Variants in SPIN1 observed in about 807,000 individuals in gnomAD.
SPIN1 encodes spindlin-1.
In SPIN1, 3 loss-of-function variants were observed where a neutral mutation model predicts 26.0. The observed-to-expected ratio is 0.12, with a 90% CI of 0.05 to 0.30. The LOEUF (loss-of-function observed/expected upper bound fraction) is 0.30. Ranked by LOEUF, SPIN1 falls within the 10% of genes least tolerant of loss-of-function variation. SPIN1 has a pLI of 1.00. For synonymous variants in SPIN1, 101 were observed against 116.5 expected, an observed-to-expected ratio of 0.87 and a Z score of 0.86; for missense variants, 126 against 333.4, an observed-to-expected ratio of 0.38 and a Z score of 4.84.
At chr9:88,410,783 CA>C in intron 1 of SPIN1, 2 of 1,096,034 alleles carry the variant, frequency 1.8e-6, no homozygotes, top group South Asian at 1.2e-5. Context: ...CCACTGCCAC[CA>C]AAGCCACCAT....
At chr9:88,438,022 G>A (rs752536278) in intron 2 of SPIN1, among the ~76,000 whole-genome samples, 1 of 151,830 alleles carries the variant, frequency 6.6e-6, no homozygotes, top group Admixed American at 6.6e-5. Context: ...GTGGTGATGC[G>A]CGCCTGTAAT....
intron 3 of SPIN1, among the ~76,000 whole-genome samples, chr9:88,460,003 G>C (rs2118179257): frequency 6.6e-6 from 1 of 152,270 alleles, no homozygotes; most frequent in African/African-American, 2.4e-5. Flanking sequence ...TTGTGTAAAT[G>C]CCCAAAGGGT....
chr9:88,439,639 T>C (rs1321144182), intron 2 of SPIN1, among the ~76,000 whole-genome samples: 1 of 152,230 alleles, frequency 6.6e-6, no homozygotes, highest in Non-Finnish European at 1.5e-5. Flanking sequence ...CAGCTTTTTT[T>C]CCTCACATAT....
At position 88,412,955 on chromosome 9, in the gene SPIN1, TACAGGCGTGAGCC is replaced by T. The variant is rs1171614080; in HGVS notation, c.-158-13424_-158-13412del. Among the ~76,000 whole-genome samples the T allele has an allele frequency of 5.9e-5, 9 of 151,892 alleles. No individual in the cohort carries two copies. The East Asian group carries it at 1.8e-3, about 30-fold the overall frequency. On this transcript the variant is annotated intron_variant, in intron 1 of 5. Coordinates refer to ENST00000375859, the MANE Select transcript of SPIN1 (RefSeq NM_006717.3). Reference sequence around the variant, plus strand: ...CCTTGGCCTCCCAAAGTGCTGGGATTACAGGCGTGAGCCACCGCGCCTGGCCTCTTTGTCAGTA... The same window carrying T: ...CCTTGGCCTCCCAAAGTGCTGGGATTACCGCGCCTGGCCTCTTTGTCAGTA...
chr9:88,416,211 A>G lies in SPIN1; in HGVS notation c.-158-10171A>G, dbSNP rs146063242. 6.1e-3 allele frequency among the ~76,000 whole-genome samples: 932 copies of G among 152,308 alleles called. 7 individuals are homozygous for G. The highest frequency in any genetic ancestry group is 8.1e-3 in the Non-Finnish European group (552 of 68,030). On this transcript the variant is annotated intron_variant, in intron 1 of 5. Coordinates refer to ENST00000375859, the MANE Select transcript of SPIN1 (RefSeq NM_006717.3). ...ATAGAAAAGTTGAAACAGGCAGTTA[A>G]TATCTGTCCTCAACATCTACATTCA...
chr9:88,447,782 AC>A (rs1828280377), intron 2 of SPIN1, among the ~76,000 whole-genome samples: 1 of 152,162 alleles, frequency 6.6e-6, no homozygotes, highest in African/African-American at 2.4e-5. Context: ...CTGAGTCACA[AC>A]ATGGTAAAAG....
chr9:88,417,503 C>T (rs1425796895), intron 1 of SPIN1, among the ~76,000 whole-genome samples: 1 of 152,116 alleles, frequency 6.6e-6, no homozygotes, highest in Admixed American at 6.6e-5. Context: ...ATGGAGTTCT[C>T]ACTCTGCCAC....
At chr9:88,401,265 A>C (rs1466872455) in intron 1 of SPIN1, among the ~76,000 whole-genome samples, 2 of 152,210 alleles carry the variant, frequency 1.3e-5, no homozygotes, top group Non-Finnish European at 2.9e-5. Flanking sequence ...GAAAAATTAG[A>C]AACAACTGTC....
intron 1 of SPIN1, chr9:88,410,511 C>T (rs1009970242): frequency 3.8e-6 from 3 of 784,282 alleles, no homozygotes; most frequent in Non-Finnish European, 6.8e-6. Flanking sequence ...TCCTCTCCTG[C>T]TAAGCTTTGT....
At chr9:88,466,267 T>C (rs1205511803) in intron 4 of SPIN1, among the ~76,000 whole-genome samples, 2 of 152,200 alleles carry the variant, frequency 1.3e-5, no homozygotes, top group African/African-American at 4.8e-5. Context: ...CAAACAGTCC[T>C]CCTGCCTCAG....
At chr9:88,423,013 G>A (rs117708282) in intron 1 of SPIN1, among the ~76,000 whole-genome samples, 7 of 152,258 alleles carry the variant, frequency 4.6e-5, no homozygotes, top group African/African-American at 1.2e-4. Context: ...CCAGCTGAGG[G>A]AAGGACTCTT....
intron 4 of SPIN1, among the ~76,000 whole-genome samples, chr9:88,463,298 TC>T (rs1436177737): frequency 2.0e-5 from 3 of 152,232 alleles, no homozygotes; most frequent in Middle Eastern, 3.2e-3. Context: ...CTGCAAGTGT[TC>T]CTTAAGGCAT....
chr9:88,408,891 C>T (rs576762522), intron 1 of SPIN1, among the ~76,000 whole-genome samples: 98 of 150,842 alleles, frequency 6.5e-4, no homozygotes, highest in African/African-American at 2.1e-3. Context: ...GTCTCGATCT[C>T]GACCTCGTGA....
chr9:88,412,869 A>C (rs1827480133), intron 1 of SPIN1, among the ~76,000 whole-genome samples: 1 of 151,868 alleles, frequency 6.6e-6, no homozygotes. Flanking sequence ...TTTTTAGTAG[A>C]GACAGGGTTT....
intron 1 of SPIN1, among the ~76,000 whole-genome samples, chr9:88,390,155 G>C (rs1369782064): frequency 6.6e-6 from 1 of 152,146 alleles, no homozygotes; most frequent in Non-Finnish European, 1.5e-5. Flanking sequence ...CAAGGCAAAA[G>C]GGCCACTATA....
intron 1 of SPIN1, among the ~76,000 whole-genome samples, chr9:88,425,263 A>G (rs1319564686): frequency 3.3e-5 from 5 of 152,144 alleles, no homozygotes; most frequent in African/African-American, 1.2e-4. Flanking sequence ...ATAGGCTCTC[A>G]GGGAAAGGTG....
At chr9:88,452,250 G>C (rs113528558) in intron 3 of SPIN1, among the ~76,000 whole-genome samples, 2,444 of 152,276 alleles carry the variant, frequency 0.016, 35 homozygotes, top group Non-Finnish European at 0.026. Flanking sequence ...TGAGGAAACT[G>C]ATGCATGGAG....
intron 1 of SPIN1, among the ~76,000 whole-genome samples, chr9:88,405,759 T>A (rs1827288473): frequency 6.6e-6 from 1 of 151,958 alleles, no homozygotes; most frequent in Admixed American, 6.6e-5. Context: ...TGCAGTGCAG[T>A]GGGTTTGTTT....
At chr9:88,408,900 G>C (rs1480254429) in intron 1 of SPIN1, among the ~76,000 whole-genome samples, 3 of 151,724 alleles carry the variant, frequency 2.0e-5, no homozygotes, top group African/African-American at 7.3e-5. Context: ...TCGACCTCGT[G>C]ATCCGCCCGC....
Sources: allele counts gnomAD v4.1 joint callset (sites outside exome capture counted in the v4.1 genomes callset), GRCh38; gene constraint gnomAD v4.1.1; transcripts MANE v1.5; gene names NCBI Gene and HGNC (gene_info 2026-07-23, HGNC 2026-07-21).